Variants in MIPOL1 observed in about 807,000 individuals in gnomAD.
MIPOL1 encodes mirror-image polydactyly 1.
Under a neutral mutation model 60.9 loss-of-function variants are expected in MIPOL1, and 57 were observed. The ratio of observed to expected loss-of-function variants is 0.94; its 90% CI spans 0.76 to 1.17. The LOEUF (loss-of-function observed/expected upper bound fraction) is 1.17, where lower values mean the gene tolerates loss of function less well. MIPOL1 is among the 50% of genes most tolerant of loss of function. The pLI is 0.00. For missense variants in MIPOL1, 551 were observed against 511.6 expected (o/e 1.08, Z -0.74); for synonymous variants, 179 against 168.8 (o/e 1.06, Z -0.47).
Position 37,547,203 on chromosome 14 carries a change from A to G in MIPOL1, c.*232A>G, listed in dbSNP as rs2095550650. On this transcript the variant is annotated 3_prime_UTR_variant, in exon 13 of 13. Transcript: ENST00000684589. ...TATAGACTTTTACCAATGGGTAGCTATAAGGTTACAGCTTATTTTGTAACT... is the reference window on the plus strand; with the variant it reads ...TATAGACTTTTACCAATGGGTAGCTGTAAGGTTACAGCTTATTTTGTAACT... 1 of 472,978 alleles carries G rather than the reference A, an allele frequency of 2.1e-6. No individual in the cohort carries two copies. The highest frequency in any genetic ancestry group is 2.0e-5 in the African/African-American group (1 of 50,200). The allele number at this position is 472,978 out of a possible 1,614,324, so 29.3% of individuals were successfully genotyped here.
At chr14:37,350,593 T>A (rs2091283491) in intron 9 of MIPOL1, among the ~76,000 whole-genome samples, 1 of 152,182 alleles carries the variant, frequency 6.6e-6, no homozygotes, top group Non-Finnish European at 1.5e-5. Context: ...TCAGTTATAT[T>A]CTTTTAGTTA....
chr14:37,235,864 G>A (rs1439533946), intron 1 of MIPOL1, among the ~76,000 whole-genome samples: 2 of 151,656 alleles, frequency 1.3e-5, no homozygotes, highest in Admixed American at 6.6e-5. Context: ...ATCATTTTAC[G>A]TTCCTACCAG....
chr14:37,519,754 A>G (rs1005551074), intron 12 of MIPOL1, among the ~76,000 whole-genome samples: 20 of 152,212 alleles, frequency 1.3e-4, no homozygotes, highest in Admixed American at 5.2e-4. Context: ...TTAACTTGCT[A>G]AGTTATCCTG....
chr14:37,398,594 A>C (rs950718449), intron 10 of MIPOL1, among the ~76,000 whole-genome samples: 1 of 152,198 alleles, frequency 6.6e-6, no homozygotes, highest in Non-Finnish European at 1.5e-5. Flanking sequence ...AGACTACTTC[A>C]GTTTCTATAG....
intron 1 of MIPOL1, among the ~76,000 whole-genome samples, chr14:37,240,926 G>GACAC (rs1410943628): frequency 2.2e-5 from 3 of 136,150 alleles, no homozygotes; most frequent in African/African-American, 6.4e-5. Flanking sequence ...ACCAGTAGGT[G>GACAC]ACACACACAC....
chr14:37,317,905 A>G (rs529920425), intron 9 of MIPOL1, among the ~76,000 whole-genome samples: 1 of 152,324 alleles, frequency 6.6e-6, no homozygotes, highest in Non-Finnish European at 1.5e-5. Context: ...ATATCTAAGG[A>G]AAAGTATGAA....
chr14:37,231,929 A>C (rs1223088052), intron 1 of MIPOL1, among the ~76,000 whole-genome samples: 2 of 151,830 alleles, frequency 1.3e-5, no homozygotes, highest in African/African-American at 4.8e-5. Flanking sequence ...AAAATTTTAC[A>C]AAAGTAGCCG....
At chr14:37,457,692 A>G (rs975582737) in intron 11 of MIPOL1, among the ~76,000 whole-genome samples, 2 of 152,026 alleles carry the variant, frequency 1.3e-5, no homozygotes, top group Admixed American at 1.3e-4. Context: ...TCCTTGTTTA[A>G]CTCTTACTCC....
chr14:37,534,667 C>G (rs4900958), intron 12 of MIPOL1, among the ~76,000 whole-genome samples: 78,413 of 151,990 alleles, frequency 0.52, 21,077 homozygotes, highest in East Asian at 0.69. Context: ...CCCTGAGAGA[C>G]AAAGTGAAGG....
intron 7 of MIPOL1, among the ~76,000 whole-genome samples, chr14:37,295,129 C>A (rs557677207): frequency 5.9e-5 from 9 of 152,196 alleles, no homozygotes; most frequent in Non-Finnish European, 1.2e-4. Flanking sequence ...TACGAGCCAG[C>A]AGAGAGTGGG....
At chr14:37,422,670 T>G (rs2093894167) in intron 10 of MIPOL1, among the ~76,000 whole-genome samples, 185 bp from the exon 11 acceptor site, 1 of 151,874 alleles carries the variant, frequency 6.6e-6, no homozygotes, top group African/African-American at 2.4e-5. Context: ...TATGTTCAAG[T>G]TTTTAGTGTT....
chr14:37,232,629 GTTC>G (rs1970812137), intron 1 of MIPOL1, among the ~76,000 whole-genome samples: 1 of 152,158 alleles, frequency 6.6e-6, no homozygotes, highest in East Asian at 1.9e-4. Context: ...ACTATTATTT[GTTC>G]TTCTCTTTCA....
Position 37,298,016 on chromosome 14 carries a change from A to C in MIPOL1, c.624-10040A>C, listed in dbSNP as rs560697119. Among the ~76,000 whole-genome samples the C allele has an allele frequency of 5.0e-3, 763 of 152,294 alleles. 5 individuals carry two copies. Among genetic ancestry groups the C allele is most frequent in the African/African-American group, 0.017 (720 of 41,554 alleles). On this transcript the variant is annotated intron_variant, in intron 7 of 12. Coordinates refer to ENST00000684589, the MANE Select transcript of MIPOL1 (RefSeq NM_001388067.1). Reference sequence around the variant, plus strand: ...AAGTCAATCCTAAGCCAAAAGAACAAAGCTGGAGGCATCATGCTACCTGAC... The same window carrying C: ...AAGTCAATCCTAAGCCAAAAGAACACAGCTGGAGGCATCATGCTACCTGAC...
intron 10 of MIPOL1, among the ~76,000 whole-genome samples, chr14:37,382,924 G>T (rs536881231): frequency 6.6e-6 from 1 of 151,394 alleles, no homozygotes; most frequent in Non-Finnish European, 1.5e-5. Flanking sequence ...TTTAAAATTC[G>T]ATACAAAAAG....
Position 37,443,537 on chromosome 14 carries a change from A to G in MIPOL1, c.1031+20588A>G, listed in dbSNP as rs374968671. ...TCATAATTTAAAACATTTTGCAGAGAAACTTCAGGCCCAAGTGTCTTCATG... is the reference window on the plus strand; with the variant it reads ...TCATAATTTAAAACATTTTGCAGAGGAACTTCAGGCCCAAGTGTCTTCATG... On this transcript the variant is annotated intron_variant, in intron 11 of 12. Transcript: ENST00000684589. Among the ~76,000 whole-genome samples the G allele has an allele frequency of 7.8e-4, 119 of 151,796 alleles. 1 individual carries two copies. The South Asian group carries it at 0.024, about 31-fold the overall frequency.
intron 9 of MIPOL1, among the ~76,000 whole-genome samples, chr14:37,363,965 C>G (rs1397887895): frequency 6.6e-6 from 1 of 152,208 alleles, no homozygotes; most frequent in Non-Finnish European, 1.5e-5. Flanking sequence ...ATCTCCTGGT[C>G]TGCTGGTTGC....
At chr14:37,294,217 A>G (rs904361555) in intron 7 of MIPOL1, among the ~76,000 whole-genome samples, 2 of 152,354 alleles carry the variant, frequency 1.3e-5, no homozygotes, top group African/African-American at 2.4e-5. Context: ...GTGGGCCTCC[A>G]GTAAACTCCA....
chr14:37,345,320 G>A (rs1344019560), intron 9 of MIPOL1, among the ~76,000 whole-genome samples: 7 of 152,114 alleles, frequency 4.6e-5, no homozygotes, highest in Non-Finnish European at 7.4e-5. Context: ...TGCCCAGGCC[G>A]GTCTTGACTC....
chr14:37,456,244 A>C (rs1266984591), intron 11 of MIPOL1, among the ~76,000 whole-genome samples: 3 of 152,066 alleles, frequency 2.0e-5, no homozygotes, highest in Non-Finnish European at 4.4e-5. Flanking sequence ...CTATCTTTTA[A>C]ATAATGTATA....
Sources: gnomAD v4.1 joint callset for allele counts (sites outside exome capture counted in the v4.1 genomes callset) on GRCh38, gnomAD v4.1.1 for gene constraint, MANE v1.5 for transcripts, NCBI Gene and HGNC (gene_info 2026-07-23, HGNC 2026-07-21) for gene names.